NEK9: variants seen among roughly 807,000 people sequenced by gnomAD.
The protein encoded by NEK9 is NIMA related kinase 9, also known as serine/threonine-protein kinase Nek9.
A neutral mutation model predicts 123.4 loss-of-function variants in NEK9; 75 were observed. The ratio of observed to expected loss-of-function variants is 0.61; its 90% CI spans 0.50 to 0.74. NEK9 has a LOEUF of 0.74. Ranked by LOEUF, NEK9 falls within the 30% of genes least tolerant of loss-of-function variation. The pLI, the probability that NEK9 is intolerant of heterozygous loss-of-function variation, is 0.00. For synonymous variants in NEK9, 438 were observed against 458.7 expected, an observed-to-expected ratio of 0.95 and a Z score of 0.58; for missense variants, 952 against 1,214.4, an observed-to-expected ratio of 0.78 and a Z score of 3.21.
intron 18 of NEK9, among the ~76,000 whole-genome samples, chr14:75,093,570 C>G (rs1420789173): frequency 6.6e-6 from 1 of 152,202 alleles, no homozygotes; most frequent in Non-Finnish European, 1.5e-5. Flanking sequence ...TCCCCTGCCT[C>G]AGCCTCCCAA....
chr14:75,110,857 T>C (rs1341606820), intron 8 of NEK9, among the ~76,000 whole-genome samples: 1 of 152,112 alleles, frequency 6.6e-6, no homozygotes, highest in Non-Finnish European at 1.5e-5. Flanking sequence ...GATTCATCTC[T>C]CTCCCTTTCT....
intron 20 of NEK9, 59 bp downstream of exon 20, chr14:75,088,421 G>C: frequency 6.4e-7 from 1 of 1,557,794 alleles, no homozygotes; most frequent in Non-Finnish European, 8.8e-7. Flanking sequence ...AGAAGAACCA[G>C]GCAGAGCTTG....
At position 75,095,362 on chromosome 14, in the gene NEK9, T is replaced by C; in HGVS notation, c.2233+10A>G. The C allele has an allele frequency of 6.2e-7, 1 of 1,604,554 alleles. No homozygotes were observed. The highest frequency in any genetic ancestry group is 8.5e-7 in the Non-Finnish European group (1 of 1,173,036). On this transcript the variant is annotated intron_variant, in intron 18 of 21. Coordinates refer to ENST00000238616, the MANE Select transcript of NEK9 (RefSeq NM_033116.6). ...AGAAAACCACTGGTACCTGAAACAT[T>C]GGTACTTACCAGTTCCAATGGATAA...
chr14:75,113,491 T>C (rs1895024295), intron 7 of NEK9, 88 bp from the exon 8 acceptor site: 1 of 921,474 alleles, frequency 1.1e-6, no homozygotes, highest in African/African-American at 1.7e-5. Flanking sequence ...GACCACTGCA[T>C]TATCCTTTTG....
intron 18 of NEK9, among the ~76,000 whole-genome samples, chr14:75,091,992 T>A (rs889546414): frequency 6.6e-6 from 1 of 152,162 alleles, no homozygotes; most frequent in Non-Finnish European, 1.5e-5. Flanking sequence ...TTTTTTTTTT[T>A]ATTTGAGACC....
chr14:75,118,995 C>A, intron 4 of NEK9, 60 bp from the exon 5 acceptor site: 1 of 950,158 alleles, frequency 1.1e-6, no homozygotes, highest in East Asian at 2.4e-5. Context: ...TTTCATCCCC[C>A]GCCTTGCCCA....
rs767598939 is a variant in NEK9 at position 75,107,495 on chromosome 14, A to T, written c.1183-8T>A. ...AGTGCCTCCTTGCATGTTCTGTGAAATAAAGAGGTCTTATGACTTTTTTTT... is the reference window on the plus strand; with the variant it reads ...AGTGCCTCCTTGCATGTTCTGTGAATTAAAGAGGTCTTATGACTTTTTTTT... On this transcript the variant is annotated splice_region_variant and splice_polypyrimidine_tract_variant and intron_variant, in intron 10 of 21. Transcript: ENST00000238616. 1 of 1,582,434 alleles carries T rather than the reference A, an allele frequency of 6.3e-7. No homozygotes were observed. Among genetic ancestry groups the T allele is most frequent in the South Asian group, 1.2e-5 (1 of 85,530 alleles).
At chr14:75,101,885 G>A (rs937763225) in intron 14 of NEK9, 120 bp from the exon 15 acceptor site, 2 of 642,644 alleles carry the variant, frequency 3.1e-6, no homozygotes, top group African/African-American at 1.8e-5. Flanking sequence ...ATATTACTAA[G>A]AAGAGGGTGC....
At chr14:75,124,457 G>A (rs1319348352) in intron 1 of NEK9, among the ~76,000 whole-genome samples, 2 of 152,158 alleles carry the variant, frequency 1.3e-5, no homozygotes. Context: ...TTTGCATGAT[G>A]TCAGTTCCAG....
At position 75,123,925 on chromosome 14, in the gene NEK9, A is replaced by T. The variant is rs2139813209; in HGVS notation, c.397+121T>A. 3.6e-6 allele frequency: 3 copies of T among 843,154 alleles called. No individual in the cohort carries two copies. In the East Asian group the frequency reaches 7.8e-5, roughly 22 times the overall value. 52.2% of individuals were successfully genotyped at this position (843,154 alleles called of 1,614,324 possible). The stretch of plus-strand genomic sequence containing the variant: ...CCAAGGCCTGAAAAGTTTCTCTTAA[A>T]CTCTAGAAATTCATTTAAAGTTTTT... On this transcript the variant is annotated intron_variant, in intron 2 of 21. Coordinates refer to ENST00000238616, the MANE Select transcript of NEK9 (RefSeq NM_033116.6).
intron 9 of NEK9, 140 bp downstream of exon 9, chr14:75,110,181 G>T: frequency 1.5e-6 from 1 of 669,244 alleles, no homozygotes. Flanking sequence ...TCTTAGAAAT[G>T]ACTGTCTGAC....
chr14:75,093,492 C>G (rs892726074), intron 18 of NEK9, among the ~76,000 whole-genome samples: 1 of 152,054 alleles, frequency 6.6e-6, no homozygotes, highest in Admixed American at 6.6e-5. Flanking sequence ...CTCACTCTTT[C>G]GCCAGGCTGG....
intron 19 of NEK9, 48 bp from the exon 20 acceptor site, chr14:75,088,689 T>C (rs1375418153): frequency 6.4e-7 from 1 of 1,560,740 alleles, no homozygotes; most frequent in African/African-American, 1.4e-5. Flanking sequence ...AGTATTTGCT[T>C]CCTCCCAAAT....
chr14:75,105,119 G>C (rs1017041614), intron 13 of NEK9, among the ~76,000 whole-genome samples: 20 of 152,116 alleles, frequency 1.3e-4, no homozygotes, highest in African/African-American at 4.8e-4. Context: ...GAGAAGGTGG[G>C]GTGATGCATG....
At chr14:75,085,999 G>GCC (rs1894009935) in intron 21 of NEK9, among the ~76,000 whole-genome samples, 1 of 151,988 alleles carries the variant, frequency 6.6e-6, no homozygotes, top group Non-Finnish European at 1.5e-5. Flanking sequence ...CACCAGCCTG[G>GCC]CCAATATGGT....
chr14:75,104,400 A>T (rs1894700739), intron 13 of NEK9, among the ~76,000 whole-genome samples: 1 of 152,012 alleles, frequency 6.6e-6, no homozygotes, highest in Admixed American at 6.6e-5. Context: ...TCCTGACCTC[A>T]GGTGATCTAC....
chr14:75,092,614 G>C (rs533352529), intron 18 of NEK9, among the ~76,000 whole-genome samples: 48 of 152,168 alleles, frequency 3.2e-4, no homozygotes, highest in Non-Finnish European at 6.2e-4. Flanking sequence ...ACGACTATCT[G>C]TATCCATTTT....
chr14:75,093,392 TTTC>T (rs1894281449), intron 18 of NEK9, among the ~76,000 whole-genome samples: 1 of 152,242 alleles, frequency 6.6e-6, no homozygotes, highest in Admixed American at 6.5e-5. Flanking sequence ...ATATTTATCA[TTTC>T]TTCTTAAAAA....
At chr14:75,092,764 T>C (rs1228503990) in intron 18 of NEK9, among the ~76,000 whole-genome samples, 1 of 151,994 alleles carries the variant, frequency 6.6e-6, no homozygotes, top group African/African-American at 2.4e-5. Context: ...GATTAATCTG[T>C]CAAAGTTAAA....
Sources: allele counts gnomAD v4.1 joint callset (sites outside exome capture counted in the v4.1 genomes callset), GRCh38; gene constraint gnomAD v4.1.1; transcripts MANE v1.5; gene names NCBI Gene and HGNC (gene_info 2026-07-23, HGNC 2026-07-21).